The following SEMA3A variants were observed in gnomAD, a reference collection of about 807,000 sequenced individuals.
SEMA3A encodes semaphorin-3A.
In SEMA3A, 29 loss-of-function variants were observed where a neutral mutation model predicts 97.9. The ratio of observed to expected loss-of-function variants is 0.30; its 90% confidence interval spans 0.22 to 0.40. SEMA3A has a LOEUF of 0.40. Ranked by LOEUF, SEMA3A falls within the 10% of genes least tolerant of loss-of-function variation. The pLI, the probability that SEMA3A is intolerant of heterozygous loss-of-function variation, is 1.00. For missense variants in SEMA3A, 763 were observed against 951.3 expected (o/e 0.80, Z 2.60); for synonymous variants, 321 against 323.7 (o/e 0.99, Z 0.09).
Position 84,303,469 on chromosome 7 carries a change from G to A in SEMA3A, c.-83+3738C>T, listed in dbSNP as rs1801075020. On this transcript the variant is annotated intron_variant, in intron 3 of 3. Transcript: ENST00000424555. ...GAGATATAAATATGGTATAAGCTAAGACAACTTATCTGAAAATCAAAATTA... is the reference window on the plus strand; with the variant it reads ...GAGATATAAATATGGTATAAGCTAAAACAACTTATCTGAAAATCAAAATTA... Among the ~76,000 whole-genome samples the A allele has an allele frequency of 2.0e-5, 3 of 151,300 alleles. No individual in the cohort carries two copies. The South Asian group carries it at 6.3e-4, about 32-fold the overall frequency.
chr7:84,090,015 T>C (rs550326456), intron 4 of SEMA3A, among the ~76,000 whole-genome samples: 2 of 152,176 alleles, frequency 1.3e-5, no homozygotes, highest in East Asian at 3.9e-4. Context: ...TTAGATCTAT[T>C]TTGTTATAGA....
At chr7:84,174,539 A>G (rs568903732) in intron 1 of SEMA3A, among the ~76,000 whole-genome samples, 34 of 152,336 alleles carry the variant, frequency 2.2e-4, no homozygotes, top group Admixed American at 2.2e-3. Flanking sequence ...ACGCATCCAC[A>G]AAAATCAGAA....
chr7:84,025,734 C>T (rs925596209), intron 6 of SEMA3A, among the ~76,000 whole-genome samples: 3 of 152,146 alleles, frequency 2.0e-5, no homozygotes, highest in Non-Finnish European at 4.4e-5. Context: ...ATAATAGATA[C>T]TGTTTATTGC....
At chr7:84,162,592 T>TAAAAAA (rs201883744) in intron 1 of SEMA3A, among the ~76,000 whole-genome samples, 109 of 150,964 alleles carry the variant, frequency 7.2e-4, no homozygotes, top group Non-Finnish European at 1.2e-3. Flanking sequence ...AATTTTTTTT[T>TAAAAAA]AAAAAAAAAT....
At chr7:84,398,904 C>T (rs1007370546) in intron 1 of SEMA3A, among the ~76,000 whole-genome samples, 2 of 152,066 alleles carry the variant, frequency 1.3e-5, no homozygotes, top group African/African-American at 4.8e-5. Flanking sequence ...AGCAATTGTA[C>T]CCCCCTTGCA....
Position 84,095,326 on chromosome 7 carries a change from A to ATG in SEMA3A, c.453+15143_453+15144insCA, listed in dbSNP as rs1398661070. Among the ~76,000 whole-genome samples, 912 of 137,188 alleles carry ATG rather than the reference A, an allele frequency of 6.6e-3. 12 individuals carry two copies. The highest frequency in any genetic ancestry group is 8.2e-3 in the Non-Finnish European group (529 of 64,322). 90.0% of individuals were successfully genotyped at this position (137,188 alleles called of 152,430 possible). ...ATAATGCATTTATATATGGCATTATATATATTATATATATTTTATATTTTT... is the reference window on the plus strand; with the variant it reads ...ATAATGCATTTATATATGGCATTATATGTATATTATATATATTTTATATTTTT... On this transcript the variant is annotated intron_variant, in intron 4 of 16. Transcript: ENST00000265362.
intron 1 of SEMA3A, among the ~76,000 whole-genome samples, chr7:84,401,581 G>A (rs1562933679): frequency 6.6e-6 from 1 of 151,756 alleles, no homozygotes; most frequent in East Asian, 1.9e-4. Context: ...ATAAAGCTGG[G>A]GGCATCACTT....
chr7:84,131,499 T>C (rs1273411374), intron 2 of SEMA3A, among the ~76,000 whole-genome samples: 1 of 152,222 alleles, frequency 6.6e-6, no homozygotes, highest in Non-Finnish European at 1.5e-5. Flanking sequence ...AAAGAGATTG[T>C]ACCCTTTTAT....
intron 1 of SEMA3A, among the ~76,000 whole-genome samples, chr7:84,388,232 A>ATTT (rs1803449901): frequency 6.6e-6 from 1 of 152,080 alleles, no homozygotes; most frequent in Admixed American, 6.5e-5. Context: ...AAGCTTTTGC[A>ATTT]AGACATTTAC....
chr7:84,474,387 C>T (rs1022494756), intron 1 of SEMA3A, among the ~76,000 whole-genome samples: 4 of 152,288 alleles, frequency 2.6e-5, no homozygotes, highest in Non-Finnish European at 5.9e-5. Context: ...AAATTCTGCT[C>T]CCCTACGCAG....
intron 12 of SEMA3A, among the ~76,000 whole-genome samples, chr7:83,991,843 T>C (rs1187878468): frequency 1.4e-5 from 2 of 142,820 alleles, no homozygotes; most frequent in Admixed American, 7.1e-5. Flanking sequence ...ATAAAATGAG[T>C]TAGGGAGGAT....
intron 6 of SEMA3A, among the ~76,000 whole-genome samples, chr7:84,032,661 G>A (rs1412487658): frequency 6.6e-6 from 1 of 151,894 alleles, no homozygotes; most frequent in Non-Finnish European, 1.5e-5. Flanking sequence ...TAATCTGAAA[G>A]ATCTTATTAT....
At chr7:84,263,300 C>T (rs1282203216) in intron 3 of SEMA3A, among the ~76,000 whole-genome samples, 2 of 152,160 alleles carry the variant, frequency 1.3e-5, no homozygotes, top group Admixed American at 1.3e-4. Context: ...CTGGAAGTCC[C>T]AGTAACTCCC....
chr7:84,395,148 G>A (rs992647851), intron 1 of SEMA3A, among the ~76,000 whole-genome samples: 3 of 152,006 alleles, frequency 2.0e-5, no homozygotes, highest in African/African-American at 7.2e-5. Flanking sequence ...CACTAGTATT[G>A]TATGAGGAGG....
At chr7:84,374,497 G>A (rs505758) in intron 1 of SEMA3A, among the ~76,000 whole-genome samples, 48,122 of 152,048 alleles carry the variant, frequency 0.32, 8,580 homozygotes, top group African/African-American at 0.48. Flanking sequence ...CAAGTACAAT[G>A]AAATGTTTAA....
intron 2 of SEMA3A, among the ~76,000 whole-genome samples, chr7:84,320,648 A>G (rs1490996413): frequency 1.4e-5 from 1 of 71,480 alleles, no homozygotes; most frequent in Non-Finnish European, 3.0e-5. Flanking sequence ...TGTACTTGAG[A>G]AATAAATTAT....
chr7:84,355,638 A>G (rs1802538921), intron 2 of SEMA3A, among the ~76,000 whole-genome samples: 1 of 151,898 alleles, frequency 6.6e-6, no homozygotes, highest in South Asian at 2.1e-4. Flanking sequence ...ACTAACTTCT[A>G]TATTACTCTC....
chr7:83,994,788 C>G (rs1375823653), intron 12 of SEMA3A, among the ~76,000 whole-genome samples: 1 of 151,820 alleles, frequency 6.6e-6, no homozygotes, highest in Non-Finnish European at 1.5e-5. Context: ...TGCCCTGCCC[C>G]CAGAGGTGGA....
chr7:84,334,109 C>A (rs1415511014), intron 2 of SEMA3A, among the ~76,000 whole-genome samples: 1 of 152,082 alleles, frequency 6.6e-6, no homozygotes, highest in Non-Finnish European at 1.5e-5. Flanking sequence ...TCATCACAAA[C>A]TAAACTTTGA....
Sources: allele counts gnomAD v4.1 joint callset (sites outside exome capture counted in the v4.1 genomes callset), GRCh38; gene constraint gnomAD v4.1.1; transcripts MANE v1.5; gene names NCBI Gene and HGNC (gene_info 2026-07-23, HGNC 2026-07-21).